Variants in PSMD2 observed in about 807,000 individuals in gnomAD.
The protein encoded by PSMD2 is 26S proteasome non-ATPase regulatory subunit 2.
PSMD2 carries 8 observed loss-of-function variants against 101.5 expected under a neutral mutation model. The observed-to-expected ratio is 0.08, with a 90% confidence interval of 0.05 to 0.14. PSMD2 has a LOEUF of 0.14. Among genes scored for constraint, PSMD2 ranks in the 10% least tolerant of loss-of-function variants. The pLI, the probability that PSMD2 is intolerant of heterozygous loss-of-function variation, is 1.00. For missense variants in PSMD2, 784 were observed against 1,147.4 expected (o/e 0.68, Z 4.58); for synonymous variants, 418 against 433.8 (o/e 0.96, Z 0.45).
chr3:184,307,858 T>C, intron 18 of PSMD2, 32 bp from the exon 19 acceptor site: 1 of 1,613,814 alleles, frequency 6.2e-7, no homozygotes, highest in Middle Eastern at 1.7e-4. Context: ...CAGTGGTAAC[T>C]CCTCACCTCT....
Position 184,308,589 on chromosome 3 carries a change from AG to A in PSMD2, c.2544+25del. 6.2e-7 allele frequency: 1 copy of A among 1,601,906 alleles called. No individual in the cohort carries two copies. The highest frequency in any genetic ancestry group is 8.5e-7 in the Non-Finnish European group (1 of 1,169,792). Reference sequence around the variant, plus strand: ...CCAGGTGAGAGGCTGAGTAGAGGGGAGGGCTCAGGCTGTATTCTCAAACTGG... The same window carrying A: ...CCAGGTGAGAGGCTGAGTAGAGGGGAGGCTCAGGCTGTATTCTCAAACTGG... On this transcript the variant is annotated intron_variant, in intron 20 of 20. Transcript: ENST00000310118. The surrounding 1 kb of genome is among the most constrained non-coding windows in gnomAD (Gnocchi z 6.0).
chr3:184,300,024 G>A, intron 2 of PSMD2, 117 bp downstream of exon 2: 1 of 1,011,942 alleles, frequency 9.9e-7, no homozygotes, highest in Non-Finnish European at 1.6e-6. Flanking sequence ...GTGTTATGAT[G>A]ATGTTGGGAG....
At position 184,304,202 on chromosome 3, in the gene PSMD2, ATGTT is replaced by A. The variant is rs1721746493; in HGVS notation, c.1452-97_1452-94del. On this transcript the variant is annotated intron_variant, in intron 11 of 20. Coordinates refer to ENST00000310118, the MANE Select transcript of PSMD2 (RefSeq NM_002808.5). This position sits in a 1 kb window ranked among gnomAD's most constrained non-coding sequence, Gnocchi z 4.1. ...CTATTGGGTATCTGGCTCTTGGTGA[ATGTT>A]TGTTGAAATGGTGAATGAATGACCG... 8 of 1,550,770 alleles carry A rather than the reference ATGTT, an allele frequency of 5.2e-6. No individual in the cohort carries two copies. Among genetic ancestry groups the A allele is most frequent in the East Asian group, 4.5e-5 (2 of 44,488 alleles).
At chr3:184,306,575 T>G in intron 15 of PSMD2, 80 bp downstream of exon 15, 2 of 1,561,378 alleles carry the variant, frequency 1.3e-6, no homozygotes, top group Non-Finnish European at 8.6e-7. Flanking sequence ...TGGTTTTTGC[T>G]TTAGGGCCTC....
Position 184,308,408 on chromosome 3 carries a change from C to T in PSMD2, c.2426-41C>T, listed in dbSNP as rs200849425. ...TCTCAATGTTTCTGGCCAGGCCTGT[C>T]TTTTTGTCTCTTAACTTTTTGTCCT... On this transcript the variant is annotated intron_variant, in intron 19 of 20. Coordinates refer to ENST00000310118, the MANE Select transcript of PSMD2 (RefSeq NM_002808.5). The surrounding 1 kb of genome is among the most constrained non-coding windows in gnomAD (Gnocchi z 6.0). The T allele has an allele frequency of 1.0e-4, 154 of 1,514,896 alleles. 1 individual carries two copies. The Middle Eastern group carries it at 2.6e-3, about 26-fold the overall frequency. 93.8% of individuals were successfully genotyped at this position (1,514,896 alleles called of 1,614,324 possible).
Position 184,304,136 on chromosome 3 carries a change from TG to T in PSMD2, c.1451+65del. 1 of 1,603,622 alleles carries T rather than the reference TG, an allele frequency of 6.2e-7. No homozygotes were observed. The highest frequency in any genetic ancestry group is 8.5e-7 in the Non-Finnish European group (1 of 1,171,342). On this transcript the variant is annotated intron_variant, in intron 11 of 20. Coordinates refer to ENST00000310118, the MANE Select transcript of PSMD2 (RefSeq NM_002808.5). This position sits in a 1 kb window ranked among gnomAD's most constrained non-coding sequence, Gnocchi z 4.1. ...CCTGTACACTCTGGAGAACAGGAAC[TG>T]GGCCCTTTTCACCCATATTGCCAAG...
At position 184,303,100 on chromosome 3, in the gene PSMD2, G is replaced by T. The variant is rs1338878144; in HGVS notation, c.1069+38G>T. Reference sequence around the variant, plus strand: ...CTCTGTGTATGGGATTTGGGGGATTGTAGGTATGCCCCTTGTATTGGGAGT... The same window carrying T: ...CTCTGTGTATGGGATTTGGGGGATTTTAGGTATGCCCCTTGTATTGGGAGT... On this transcript the variant is annotated intron_variant, in intron 8 of 20. Transcript: ENST00000310118. 4 of 1,596,182 alleles carry T rather than the reference G, an allele frequency of 2.5e-6. No homozygotes were observed. The Admixed American group carries it at 6.7e-5, about 27-fold the overall frequency.
chr3:184,303,031 T>A lies in PSMD2; in HGVS notation c.1038T>A (p.Asp346Glu), dbSNP rs140070375. 1.2e-6 allele frequency: 2 copies of A among 1,614,138 alleles called. No individual in the cohort carries two copies. The highest frequency in any genetic ancestry group is 1.7e-5 in the Admixed American group (1 of 60,002). The part of the protein sequence containing the change: ...ELDIMEPKVP[D>E]DIYKTHLENN... Reference sequence around the variant, plus strand: ...ACATCATGGAGCCCAAGGTGCCTGATGACATCTACAAAACCCACCTAGAGA... The same window carrying A: ...ACATCATGGAGCCCAAGGTGCCTGAAGACATCTACAAAACCCACCTAGAGA... Residue 346 changes from aspartate (D) to glutamate (E), a missense_variant, in exon 8 of 21, where the codon GAT (aspartate) becomes GAA (glutamate). Asp to Glu is a conservative substitution (Grantham distance 45). Coordinates refer to ENST00000310118, the MANE Select transcript of PSMD2 (RefSeq NM_002808.5).
intron 2 of PSMD2, 152 bp downstream of exon 2, chr3:184,300,059 G>T: frequency 1.1e-6 from 1 of 892,594 alleles, no homozygotes; most frequent in South Asian, 1.6e-5. Flanking sequence ...AAGGGTATTT[G>T]TACAGTTTTG....
In PSMD2 at chr3:184,308,849, G is replaced by A. The variant is rs1160918587; in HGVS notation, c.2686G>A (p.Gly896Ser). ...TCTTCCTGTTACCCCCATTCTGGAA[G>A]GTTTTGTTATCCTTCGGAAGAACCC... ...EFLPVTPILEGFVILRKNPNY... is the reference protein window; with the variant it reads ...EFLPVTPILESFVILRKNPNY... Residue 896 changes from glycine (G) to serine (S), a missense_variant, in exon 21 of 21, where the codon GGT (glycine) becomes AGT (serine). By Grantham distance (56) the Gly-to-Ser change is moderately conservative (BLOSUM62 0). This residue lies in a region of PSMD2 where 33 missense variants were observed against 38.2 expected (regional missense o/e 0.86). Transcript: ENST00000310118. This position sits in a 1 kb window ranked among gnomAD's most constrained non-coding sequence, Gnocchi z 6.0. 19 of 1,612,766 alleles carry A rather than the reference G, an allele frequency of 1.2e-5. No homozygotes were observed. Among genetic ancestry groups the A allele is most frequent in the Non-Finnish European group, 1.1e-5 (13 of 1,180,030 alleles).
Position 184,308,739 on chromosome 3 carries a change from C to T in PSMD2, c.2576C>T (p.Pro859Leu). 2 of 1,614,008 alleles carry T rather than the reference C, an allele frequency of 1.2e-6. No individual in the cohort carries two copies. Among genetic ancestry groups the T allele is most frequent in the Middle Eastern group, 1.7e-4 (1 of 6,048 alleles). Residue 859 changes from proline to leucine, a missense_variant, in exon 21 of 21, where the codon CCG becomes CTG. This residue lies in a region of PSMD2 where 28 missense variants were observed against 80.8 expected (regional missense o/e 0.35). Transcript: ENST00000310118. This position sits in a 1 kb window ranked among gnomAD's most constrained non-coding sequence, Gnocchi z 6.0. Reference protein sequence around the residue: ...AVDVVGQAGKPKTITGFQTHT... With the variant: ...AVDVVGQAGKLKTITGFQTHT... The stretch of plus-strand genomic sequence containing the variant: ...GATGTGGTGGGCCAGGCTGGCAAGC[C>T]GAAGACTATCACAGGGTTCCAGACG...
chr3:184,302,261 G>T, intron 5 of PSMD2, 109 bp from the exon 6 acceptor site: 1 of 1,262,746 alleles, frequency 7.9e-7, no homozygotes, highest in Non-Finnish European at 1.1e-6. Context: ...ATCTAGCACA[G>T]TGCCTGGTGT....
rs750230458 is a variant in PSMD2, at chr3:184,302,067, A to G, written c.700A>G (p.Thr234Ala). The G allele has an allele frequency of 6.2e-7, 1 of 1,610,538 alleles. No homozygotes were observed. The highest frequency in any genetic ancestry group is 1.3e-5 in the African/African-American group (1 of 74,852). The change falls in exon 5 of 21, where the codon ACC becomes GCC. Residue 234 changes from threonine to alanine, a missense_variant. Around this residue, in one of 6 missense-constraint regions of PSMD2, gnomAD observed 208 missense variants for 301.6 expected, o/e 0.69. Transcript: ENST00000310118. ...ATATGCAAAGGTCTGCCTTTATCTC[A>G]CCAGGTGAGTGAACATGGTAGGGAA... ...NAYAKVCLYLTSCVNYVPEPE... is the reference protein window; with the variant it reads ...NAYAKVCLYLASCVNYVPEPE...
chr3:184,301,665 T>A lies in PSMD2; in HGVS notation c.479+7T>A. 1 of 1,614,058 alleles carries A rather than the reference T, an allele frequency of 6.2e-7. No homozygotes were observed. The highest frequency in any genetic ancestry group is 8.5e-7 in the Non-Finnish European group (1 of 1,179,964). Reference sequence around the variant, plus strand: ...GGGGTCATGAGTATGTCAGGTAAGATCTTTCTTCTTGGGAATCCGAAGGGG... The same window carrying A: ...GGGGTCATGAGTATGTCAGGTAAGAACTTTCTTCTTGGGAATCCGAAGGGG... On this transcript the variant is annotated splice_region_variant and intron_variant, in intron 4 of 20. Coordinates refer to ENST00000310118, the MANE Select transcript of PSMD2 (RefSeq NM_002808.5).
At chr3:184,300,140 G>T (rs1721593256) in intron 2 of PSMD2, 140 bp from the exon 3 acceptor site, 5 of 980,206 alleles carry the variant, frequency 5.1e-6, no homozygotes, top group Non-Finnish European at 7.5e-6. Flanking sequence ...TGCCAGGCAG[G>T]GTGCAGGGAG....
At chr3:184,300,613 A>G in intron 3 of PSMD2, 169 bp downstream of exon 3, 1 of 1,414,170 alleles carries the variant, frequency 7.1e-7, no homozygotes, top group Non-Finnish European at 9.2e-7. Context: ...AAGGAAGGTC[A>G]GCTTCTCAGA....
At chr3:184,301,390 T>C in intron 3 of PSMD2, 147 bp from the exon 4 acceptor site, 1 of 1,080,800 alleles carries the variant, frequency 9.3e-7, no homozygotes, top group Non-Finnish European at 1.3e-6. Flanking sequence ...TTTTGTGAGG[T>C]TTAGCTTACA....
intron 2 of PSMD2, 51 bp downstream of exon 2, chr3:184,299,958 T>G (rs1721589612): frequency 6.4e-7 from 1 of 1,551,526 alleles, no homozygotes; most frequent in South Asian, 1.1e-5. Context: ...CTTTCCCACT[T>G]GTTTTATTCT....
chr3:184,306,490 C>T lies in PSMD2; in HGVS notation c.1945C>T (p.His649Tyr), dbSNP rs995928349. The T allele has an allele frequency of 1.2e-6, 2 of 1,613,296 alleles. No homozygotes were observed. Among genetic ancestry groups the T allele is most frequent in the Non-Finnish European group, 1.7e-6 (2 of 1,179,634 alleles). Residue 649 changes from histidine to tyrosine, a missense_variant, in exon 15 of 21, where the codon CAT becomes TAT. Coordinates refer to ENST00000310118, the MANE Select transcript of PSMD2 (RefSeq NM_002808.5). ...KKEAPADMGAHQGVAVLGIAL... is the reference protein window; with the variant it reads ...KKEAPADMGAYQGVAVLGIAL... Reference sequence around the variant, plus strand: ...GGAAGCCCCTGCTGACATGGGAGCACATCAGGTTATATGGGCAGCTGGGCA... The same window carrying T: ...GGAAGCCCCTGCTGACATGGGAGCATATCAGGTTATATGGGCAGCTGGGCA...
Sources: gnomAD v4.1 joint callset for allele counts on GRCh38, gnomAD v4.1.1 for gene constraint, gnomAD v4.1.1 regional missense constraint, Gnocchi (gnomAD v3.1) non-coding constraint, MANE v1.5 for transcripts, NCBI Gene and HGNC (gene_info 2026-07-23, HGNC 2026-07-21) for gene names.